The following KIAA1217 variants were observed in gnomAD, a reference collection of about 807,000 sequenced individuals.
KIAA1217 encodes KIAA1217.
Under a neutral mutation model 163.9 loss-of-function variants are expected in KIAA1217, and 88 were observed. The observed-to-expected ratio is 0.54, with a 90% CI of 0.45 to 0.64. The LOEUF is 0.64. KIAA1217 is among the 30% of genes least tolerant of loss of function. KIAA1217 has a pLI of 0.00. For synonymous variants in KIAA1217, 903 were observed against 923.1 expected (o/e 0.98, Z 0.39); for missense variants, 2,372 against 2,475.0 (o/e 0.96, Z 0.88).
At position 24,219,677 on chromosome 10, in the gene KIAA1217, G is replaced by A. The variant is rs756645933; in HGVS notation, c.122G>A (p.Arg41His). 3.6e-5 allele frequency: 58 copies of A among 1,613,372 alleles called. No homozygotes were observed. The highest frequency in any genetic ancestry group is 1.7e-4 in the Middle Eastern group (1 of 6,056). The change falls in exon 2 of 21, where the codon CGC becomes CAC. Residue 41 changes from arginine to histidine, a missense_variant. Coordinates refer to ENST00000376454, the MANE Select transcript of KIAA1217 (RefSeq NM_019590.5). ...HVTSPEDAECRRTKERLSNGN... is the reference protein window; with the variant it reads ...HVTSPEDAECHRTKERLSNGN... Reference sequence around the variant, plus strand: ...ACATCACCAGAAGATGCAGAATGCCGCAGAACCAAGGAACGCCTTTCTAAT... The same window carrying A: ...ACATCACCAGAAGATGCAGAATGCCACAGAACCAAGGAACGCCTTTCTAAT...
At chr10:24,282,219 A>C (rs1232321296) in intron 2 of KIAA1217, among the ~76,000 whole-genome samples, 1 of 151,982 alleles carries the variant, frequency 6.6e-6, no homozygotes, top group Admixed American at 6.5e-5. Context: ...TTTTTTTCAA[A>C]AAAGAATACT....
At chr10:23,883,635 T>A (rs144275913) in intron 1 of KIAA1217, among the ~76,000 whole-genome samples, 1 of 152,060 alleles carries the variant, frequency 6.6e-6, no homozygotes, top group African/African-American at 2.4e-5. Flanking sequence ...CACATCATTC[T>A]CACCCAGAGT....
intron 1 of KIAA1217, among the ~76,000 whole-genome samples, chr10:23,896,048 C>T (rs1350593912): frequency 1.3e-5 from 2 of 150,602 alleles, no homozygotes; most frequent in Non-Finnish European, 3.0e-5. Context: ...TGCTAAATGA[C>T]GAGTTAGTGG....
At chr10:23,863,906 T>C (rs1820799774) in intron 1 of KIAA1217, among the ~76,000 whole-genome samples, 1 of 152,136 alleles carries the variant, frequency 6.6e-6, no homozygotes, top group Admixed American at 6.6e-5. Context: ...TCTGCACATT[T>C]TGTTTTGACT....
In KIAA1217 at chr10:24,544,316, A is replaced by C. The variant is rs878981429; in HGVS notation, c.5046A>C (p.Glu1682Asp). Reference sequence around the variant, plus strand: ...AACAGCTCGAAAATACAATCAGTGAAATGAGTCCCAAAGCCCTAGTTGATA... The same window carrying C: ...AACAGCTCGAAAATACAATCAGTGACATGAGTCCCAAAGCCCTAGTTGATA... ...TIKQLENTISEMSPKALVDTS... is the reference protein window; with the variant it reads ...TIKQLENTISDMSPKALVDTS... Residue 1682 changes from glutamate to aspartate, a missense_variant, in exon 19 of 21, where the codon GAA becomes GAC. By Grantham distance (45) the Glu-to-Asp change is conservative. Transcript: ENST00000376454. 1.2e-6 allele frequency: 2 copies of C among 1,614,108 alleles called. No individual in the cohort carries two copies. The highest frequency in any genetic ancestry group is 2.2e-5 in the South Asian group (2 of 91,074).
At chr10:23,982,168 A>G (rs747980341) in intron 1 of KIAA1217, among the ~76,000 whole-genome samples, 18 of 152,116 alleles carry the variant, frequency 1.2e-4, no homozygotes, top group African/African-American at 2.4e-4. Flanking sequence ...AATTGTTTTC[A>G]GATCCATTAT....
chr10:24,190,448 G>A (rs1589836774), intron 2 of KIAA1217, among the ~76,000 whole-genome samples: 1 of 152,152 alleles, frequency 6.6e-6, no homozygotes, highest in Non-Finnish European at 1.5e-5. Flanking sequence ...TATGTGAGGC[G>A]CTGAACCCAA....
At chr10:23,798,060 T>G (rs965002212) in intron 1 of KIAA1217, among the ~76,000 whole-genome samples, 2 of 152,180 alleles carry the variant, frequency 1.3e-5, no homozygotes, top group South Asian at 4.1e-4. Context: ...TTATTCCTTG[T>G]TTTGCCTCTT....
intron 1 of KIAA1217, among the ~76,000 whole-genome samples, chr10:23,941,625 G>GCACAT (rs1342668164): frequency 6.6e-6 from 1 of 152,068 alleles, no homozygotes; most frequent in East Asian, 1.9e-4. Context: ...AATGTAGAGT[G>GCACAT]CACATATTTG....
intron 2 of KIAA1217, among the ~76,000 whole-genome samples, chr10:24,121,928 G>A (rs2063296353): frequency 6.6e-6 from 1 of 152,062 alleles, no homozygotes; most frequent in South Asian, 2.1e-4. Flanking sequence ...GGGTGGGTGT[G>A]TTAGATACAG....
intron 1 of KIAA1217, among the ~76,000 whole-genome samples, chr10:23,726,419 C>T (rs890128539): frequency 6.0e-5 from 9 of 151,230 alleles, no homozygotes; most frequent in African/African-American, 2.2e-4. Context: ...GGATTAAAGA[C>T]TTAAATGTTA....
chr10:24,532,958 C>A, intron 15 of KIAA1217, 112 bp from the exon 16 acceptor site: 1 of 907,288 alleles, frequency 1.1e-6, no homozygotes, highest in Non-Finnish European at 1.6e-6. Context: ...ATTTTCTCAG[C>A]TAAGATCTAG....
intron 1 of KIAA1217, among the ~76,000 whole-genome samples, chr10:24,216,774 C>T (rs2068870802): frequency 6.9e-6 from 1 of 145,860 alleles, no homozygotes; most frequent in South Asian, 2.2e-4. Context: ...TTGCAGTGAG[C>T]TGAGATCGCA....
At chr10:24,443,701 A>C (rs1564690298) in intron 5 of KIAA1217, among the ~76,000 whole-genome samples, 1 of 152,172 alleles carries the variant, frequency 6.6e-6, no homozygotes, top group East Asian at 1.9e-4. Context: ...TATTTGGGAA[A>C]TTTGAACATG....
At chr10:24,310,990 C>T (rs772751629) in intron 2 of KIAA1217, among the ~76,000 whole-genome samples, 5 of 152,000 alleles carry the variant, frequency 3.3e-5, no homozygotes, top group Admixed American at 6.6e-5. Context: ...AGAGTGAGAC[C>T]CTGTCTCAAA....
chr10:24,027,236 G>A (rs957245949), intron 2 of KIAA1217, among the ~76,000 whole-genome samples: 5 of 152,002 alleles, frequency 3.3e-5, no homozygotes, highest in Non-Finnish European at 5.9e-5. Context: ...CTCTGTTTGG[G>A]TGTCCCCTCC....
chr10:24,059,012 T>C (rs1242646415), intron 2 of KIAA1217, among the ~76,000 whole-genome samples: 1 of 152,198 alleles, frequency 6.6e-6, no homozygotes, highest in Admixed American at 6.5e-5. Flanking sequence ...ATGTTAGCCA[T>C]GAGCTTGTCA....
intron 1 of KIAA1217, among the ~76,000 whole-genome samples, chr10:23,746,401 G>A (rs987127236): frequency 6.6e-6 from 1 of 151,980 alleles, no homozygotes; most frequent in African/African-American, 2.4e-5. Context: ...AGATTACCCA[G>A]CCTCAGATAT....
At chr10:23,961,710 C>A (rs148138246) in intron 1 of KIAA1217, among the ~76,000 whole-genome samples, 1 of 152,098 alleles carries the variant, frequency 6.6e-6, no homozygotes, top group Non-Finnish European at 1.5e-5. Context: ...AAAAAGTTGC[C>A]GTAACAAAGC....
Sources: allele counts gnomAD v4.1 joint callset (sites outside exome capture counted in the v4.1 genomes callset), GRCh38; gene constraint gnomAD v4.1.1; transcripts MANE v1.5; gene names NCBI Gene and HGNC (gene_info 2026-07-23, HGNC 2026-07-21).